Variants in AGAP1 observed in about 807,000 individuals in gnomAD.
The protein encoded by AGAP1 is ArfGAP with GTPase domain, ankyrin repeat and PH domain 1.
A neutral mutation model predicts 105.3 loss-of-function variants in AGAP1; 29 were observed. The ratio of observed to expected loss-of-function variants is 0.28; its 90% CI spans 0.21 to 0.38. The LOEUF (loss-of-function observed/expected upper bound fraction) is 0.38. Among genes scored for constraint, AGAP1 ranks in the 10% least tolerant of loss-of-function variants. The probability of loss-of-function intolerance (pLI) is 1.00; values close to 1 mark genes in which losing one functional copy is unlikely to be tolerated. For synonymous variants in AGAP1, 509 were observed against 485.9 expected, an observed-to-expected ratio of 1.05 and a Z score of -0.63; for missense variants, 998 against 1,165.1, an observed-to-expected ratio of 0.86 and a Z score of 2.09.
chr2:235,957,941 G>T lies in AGAP1; in HGVS notation c.1484-10521G>T, dbSNP rs1206875575. ...AATACCAAGCAAAAAAGGATTTTTA[G>T]TCATGTACCTGACACTGCCAAATAG... On this transcript the variant is annotated intron_variant, in intron 12 of 17. Transcript: ENST00000304032. The surrounding 1 kb of genome is among the most constrained non-coding windows in gnomAD (Gnocchi z 4.6). 6.6e-6 allele frequency among the ~76,000 whole-genome samples: 1 copy of T among 152,154 alleles called. No individual in the cohort carries two copies. Among genetic ancestry groups the T allele is most frequent in the Non-Finnish European group, 1.5e-5 (1 of 68,030 alleles).
chr2:235,917,844 T>A (rs1344946126), intron 11 of AGAP1, among the ~76,000 whole-genome samples: 1 of 152,214 alleles, frequency 6.6e-6, no homozygotes, highest in Non-Finnish European at 1.5e-5. Context: ...TTATCCCCGT[T>A]GTGTGGCCCG....
chr2:235,962,240 G>A lies in AGAP1; in HGVS notation c.1484-6222G>A, dbSNP rs1056263405. Among the ~76,000 whole-genome samples the A allele has an allele frequency of 6.6e-6, 1 of 152,034 alleles. No individual in the cohort carries two copies. The highest frequency in any genetic ancestry group is 1.5e-5 in the Non-Finnish European group (1 of 68,016). On this transcript the variant is annotated intron_variant, in intron 12 of 17. Coordinates refer to ENST00000304032, the MANE Select transcript of AGAP1 (RefSeq NM_001037131.3). The surrounding 1 kb of genome is among the most constrained non-coding windows in gnomAD (Gnocchi z 5.3). ...AAGGGCAGGCCAGAGGCCACTGAGGGGTACACTGACCACACAGAGGAGGCC... is the reference window on the plus strand; with the variant it reads ...AAGGGCAGGCCAGAGGCCACTGAGGAGTACACTGACCACACAGAGGAGGCC...
rs1955267614 is a variant in AGAP1 at position 235,769,751 on chromosome 2, ACC to A, written c.673+19264_673+19265del. On this transcript the variant is annotated intron_variant, in intron 6 of 17. Coordinates refer to ENST00000304032, the MANE Select transcript of AGAP1 (RefSeq NM_001037131.3). This position sits in a 1 kb window ranked among gnomAD's most constrained non-coding sequence, Gnocchi z 4.4. ...AGGGCATCTCCAGGTGCCGCCTCTC[ACC>A]TGGTCCTGGATCATGGGGGAGGCAC... Among the ~76,000 whole-genome samples, 1 of 152,020 alleles carries A rather than the reference ACC, an allele frequency of 6.6e-6. No homozygotes were observed. The highest frequency in any genetic ancestry group is 1.5e-5 in the Non-Finnish European group (1 of 68,008).
intron 1 of AGAP1, among the ~76,000 whole-genome samples, chr2:235,544,677 G>T (rs904992280): frequency 6.6e-6 from 1 of 152,196 alleles, no homozygotes; most frequent in African/African-American, 2.4e-5. Context: ...TACCCCTGCT[G>T]GATTGTAGAT....
At chr2:235,536,675 A>C (rs866069708) in intron 1 of AGAP1, among the ~76,000 whole-genome samples, 30 of 119,370 alleles carry the variant, frequency 2.5e-4, no homozygotes, top group African/African-American at 5.9e-4. Flanking sequence ...ACACACACAC[A>C]CACCCCTTGC....
rs191171043 is a variant in AGAP1, at chr2:235,716,491, C to T, written c.223-1066C>T. ...CAGGAGGGAGGTCAACAAGTGGAAC[C>T]GAGAGCAAGCGGGGTGAGTCCCAGC... is the stretch of plus-strand genomic sequence containing the variant. On this transcript the variant is annotated intron_variant, in intron 2 of 17. Coordinates refer to ENST00000304032, the MANE Select transcript of AGAP1 (RefSeq NM_001037131.3). This position sits in a 1 kb window ranked among gnomAD's most constrained non-coding sequence, Gnocchi z 4.0. Among the ~76,000 whole-genome samples, 3 of 152,138 alleles carry T rather than the reference C, an allele frequency of 2.0e-5. No individual in the cohort carries two copies. Among genetic ancestry groups the T allele is most frequent in the African/African-American group, 7.2e-5 (3 of 41,508 alleles).
intron 6 of AGAP1, among the ~76,000 whole-genome samples, chr2:235,759,903 A>G (rs1421041641): frequency 1.3e-5 from 2 of 152,210 alleles, no homozygotes; most frequent in Non-Finnish European, 2.9e-5. Flanking sequence ...CCATACATTC[A>G]GAGGTTTAAA....
intron 8 of AGAP1, among the ~76,000 whole-genome samples, chr2:235,803,058 GTGGTGATAGTTGTGA>G (rs1559506578): frequency 8.4e-4 from 12 of 14,262 alleles, no homozygotes; most frequent in Non-Finnish European, 1.3e-3. Context: ...TGTGGTGATG[GTGGTGATAGTTGTGA>G]TGGTGATGAT....
chr2:235,793,236 G>A lies in AGAP1; in HGVS notation c.674-4523G>A, dbSNP rs893651412. Among the ~76,000 whole-genome samples the A allele has an allele frequency of 2.6e-5, 4 of 152,134 alleles. No homozygotes were observed. Among genetic ancestry groups the A allele is most frequent in the South Asian group, 2.1e-4 (1 of 4,824 alleles). On this transcript the variant is annotated intron_variant, in intron 6 of 17. Coordinates refer to ENST00000304032, the MANE Select transcript of AGAP1 (RefSeq NM_001037131.3). This position sits in a 1 kb window ranked among gnomAD's most constrained non-coding sequence, Gnocchi z 5.3. ...AGAGGCAGAGTCGAGCAGCATCCCC[G>A]GGCTTTCCAGAAGGCCTGGCTGGGA...
chr2:235,563,987 A>G (rs1944255585), intron 1 of AGAP1, among the ~76,000 whole-genome samples: 1 of 152,048 alleles, frequency 6.6e-6, no homozygotes, highest in South Asian at 2.1e-4. Flanking sequence ...CCATCCTCAG[A>G]TGCCTCCTGG....
chr2:235,806,551 G>T (rs142249877), intron 8 of AGAP1, among the ~76,000 whole-genome samples: 2 of 152,188 alleles, frequency 1.3e-5, no homozygotes, highest in Admixed American at 6.5e-5. Flanking sequence ...TCCGCAGCAC[G>T]TCAGCAGTGC....
rs1302924797 is a variant in AGAP1, at chr2:235,557,740, C to T, written c.163+62891C>T. Reference sequence around the variant, plus strand: ...ACCCCAGAGTGGGCACTTCAGGTCCCGCTCCATGGCCGTGTGCACCTTCAT... The same window carrying T: ...ACCCCAGAGTGGGCACTTCAGGTCCTGCTCCATGGCCGTGTGCACCTTCAT... On this transcript the variant is annotated intron_variant, in intron 1 of 17. Coordinates refer to ENST00000304032, the MANE Select transcript of AGAP1 (RefSeq NM_001037131.3). This position sits in a 1 kb window ranked among gnomAD's most constrained non-coding sequence, Gnocchi z 4.7. 2.6e-5 allele frequency among the ~76,000 whole-genome samples: 4 copies of T among 152,164 alleles called. No homozygotes were observed. Among genetic ancestry groups the T allele is most frequent in the African/African-American group, 4.8e-5 (2 of 41,428 alleles).
chr2:235,503,622 T>C (rs1941662096), intron 1 of AGAP1, among the ~76,000 whole-genome samples: 1 of 152,168 alleles, frequency 6.6e-6, no homozygotes, highest in Admixed American at 6.5e-5. Flanking sequence ...TGAGACAGGG[T>C]CTCACTCTGT....
intron 16 of AGAP1, among the ~76,000 whole-genome samples, chr2:236,094,256 G>T (rs1291058444): frequency 6.6e-6 from 1 of 151,248 alleles, no homozygotes; most frequent in Non-Finnish European, 1.5e-5. Context: ...GGATTTCCAG[G>T]TCAGCCTGGG....
rs2056141447 is a variant in AGAP1, at chr2:236,001,994, C to T, written c.1645+33371C>T. 6.6e-6 allele frequency among the ~76,000 whole-genome samples: 1 copy of T among 152,236 alleles called. No individual in the cohort carries two copies. The highest frequency in any genetic ancestry group is 1.5e-5 in the Non-Finnish European group (1 of 68,052). ...TGATTGGAAGCTTGCGTTGCACATT[C>T]AGCCCACGCCTCCATGGCTGGTCCT... On this transcript the variant is annotated intron_variant, in intron 13 of 17. Transcript: ENST00000304032. This position sits in a 1 kb window ranked among gnomAD's most constrained non-coding sequence, Gnocchi z 4.7.
intron 1 of AGAP1, among the ~76,000 whole-genome samples, chr2:235,591,911 C>G (rs1011761802): frequency 1.3e-5 from 2 of 151,442 alleles, no homozygotes; most frequent in Admixed American, 6.6e-5. Flanking sequence ...CCTGCTCCCC[C>G]TTCGTCTTCC....
rs1473683484 is a variant in AGAP1 at position 235,517,617 on chromosome 2, T to C, written c.163+22768T>C. 2.0e-5 allele frequency among the ~76,000 whole-genome samples: 3 copies of C among 151,972 alleles called. No homozygotes were observed. Among genetic ancestry groups the C allele is most frequent in the African/African-American group, 7.3e-5 (3 of 41,368 alleles). On this transcript the variant is annotated intron_variant, in intron 1 of 17. Coordinates refer to ENST00000304032, the MANE Select transcript of AGAP1 (RefSeq NM_001037131.3). This position sits in a 1 kb window ranked among gnomAD's most constrained non-coding sequence, Gnocchi z 4.1. The stretch of plus-strand genomic sequence containing the variant: ...CATGTTTTTAAAATATAAACTAGAT[T>C]ATGAAAAAAATTAAAACTTGATTTA...
intron 9 of AGAP1, among the ~76,000 whole-genome samples, chr2:235,841,234 C>T (rs1025493850): frequency 6.6e-6 from 1 of 152,130 alleles, no homozygotes; most frequent in African/African-American, 2.4e-5. Context: ...TATCGATTCG[C>T]TTGGAATAAT....
At position 236,060,452 on chromosome 2, in the gene AGAP1, G is replaced by A. The variant is rs548116849; in HGVS notation, c.2114+11171G>A. Among the ~76,000 whole-genome samples the A allele has an allele frequency of 1.1e-4, 16 of 152,292 alleles. 2 individuals are homozygous for A. Among genetic ancestry groups the A allele is most frequent in the African/African-American group, 3.6e-4 (15 of 41,560 alleles). On this transcript the variant is annotated intron_variant, in intron 16 of 17. Transcript: ENST00000304032. Reference sequence around the variant, plus strand: ...GCCTGTAACCCTAGCACTTTGGGAGGCCAAGGTGGGAGGATCACTGGAGCC... The same window carrying A: ...GCCTGTAACCCTAGCACTTTGGGAGACCAAGGTGGGAGGATCACTGGAGCC...
Sources: allele counts gnomAD v4.1 joint callset (sites outside exome capture counted in the v4.1 genomes callset), GRCh38; gene constraint gnomAD v4.1.1; non-coding constraint Gnocchi (gnomAD v3.1); transcripts MANE v1.5; gene names NCBI Gene and HGNC (gene_info 2026-07-23, HGNC 2026-07-21).